RABGAP1: variants seen among roughly 807,000 people sequenced by gnomAD.
RABGAP1 encodes the protein RAB GTPase activating protein 1, also known as rab GTPase-activating protein 1.
RABGAP1 carries 23 observed loss-of-function variants against 137.6 expected under a neutral mutation model. That is an observed-to-expected ratio of 0.17 (90% CI 0.12 to 0.24). RABGAP1 has a LOEUF of 0.24. Ranked by LOEUF, RABGAP1 falls within the 10% of genes least tolerant of loss-of-function variation. The pLI, the probability that RABGAP1 is intolerant of heterozygous loss-of-function variation, is 1.00. For missense variants in RABGAP1, 906 were observed against 1,275.8 expected (o/e 0.71, Z 4.42); for synonymous variants, 451 against 450.7 (o/e 1.00, Z -0.01).
intron 10 of RABGAP1, among the ~76,000 whole-genome samples, chr9:123,002,870 A>G (rs1837401471): frequency 6.6e-6 from 1 of 152,172 alleles, no homozygotes; most frequent in Non-Finnish European, 1.5e-5. Context: ...GCTACAAACT[A>G]AACTTAAGCC....
At chr9:123,101,971 T>C (rs775029597) in intron 25 of RABGAP1, among the ~76,000 whole-genome samples, 1 of 152,200 alleles carries the variant, frequency 6.6e-6, no homozygotes, top group Non-Finnish European at 1.5e-5. Context: ...CGCTGTCATA[T>C]TGAGAATAAT....
chr9:123,038,304 T>G (rs2132010767), intron 13 of RABGAP1, among the ~76,000 whole-genome samples: 1 of 152,298 alleles, frequency 6.6e-6, no homozygotes, highest in Non-Finnish European at 1.5e-5. Flanking sequence ...TTCAAGCCTT[T>G]TATAATGGCT....
At chr9:123,099,621 G>A in intron 24 of RABGAP1, 72 bp downstream of exon 24, 4 of 1,331,656 alleles carry the variant, frequency 3.0e-6, no homozygotes, top group South Asian at 1.2e-5. Context: ...CAGGTTTTGG[G>A]AGGAGGCAGT....
At position 123,000,758 on chromosome 9, in the gene RABGAP1, C is replaced by CT. The variant is rs543242272; in HGVS notation, c.1374+1994dup. Among the ~76,000 whole-genome samples, 120 of 152,058 alleles carry CT rather than the reference C, an allele frequency of 7.9e-4. 3 individuals carry two copies. In the East Asian group the frequency reaches 0.019, roughly 25 times the overall value. Reference sequence around the variant, plus strand: ...TGACCTCCTGGGCTCCAGAAGTCTGCTTACCTCAGCCTCCCAAAGTGCTGG... The same window carrying CT: ...TGACCTCCTGGGCTCCAGAAGTCTGCTTTACCTCAGCCTCCCAAAGTGCTGG... On this transcript the variant is annotated intron_variant, in intron 10 of 25. Transcript: ENST00000373647.
chr9:123,083,122 G>A (rs1303835781), intron 19 of RABGAP1, among the ~76,000 whole-genome samples: 1 of 152,224 alleles, frequency 6.6e-6, no homozygotes, highest in Non-Finnish European at 1.5e-5. Context: ...AGGATATAAA[G>A]TTAGTAACTA....
rs12000030 is a variant in RABGAP1 at position 123,097,943 on chromosome 9, C to G, written c.2733+98C>G. On this transcript the variant is annotated intron_variant, in intron 22 of 25. Coordinates refer to ENST00000373647, the MANE Select transcript of RABGAP1 (RefSeq NM_012197.4). ...TTGGCACTAGAAAACCTAGAGACAT[C>G]TGGCTTCAGTTTCTTTCCAAAGACT... The G allele has an allele frequency of 2.4e-3, 2,339 of 975,918 alleles. 35 individuals carry two copies. The African/African-American group carries it at 0.034, about 14-fold the overall frequency. 60.5% of individuals were successfully genotyped at this position (975,918 alleles called of 1,614,324 possible). A position where few individuals can be genotyped will look rare whatever the true frequency, so the allele number is the denominator to read the frequency against.
chr9:122,989,661 T>C (rs1173057784), intron 5 of RABGAP1, 190 bp downstream of exon 5: 2 of 640,570 alleles, frequency 3.1e-6, no homozygotes, highest in Non-Finnish European at 5.3e-6. Flanking sequence ...ACTTTGTTAC[T>C]ACTACTAAGA....
chr9:122,985,688 C>T (rs1008631341), intron 3 of RABGAP1, among the ~76,000 whole-genome samples: 2 of 150,756 alleles, frequency 1.3e-5, no homozygotes, highest in South Asian at 4.2e-4. Context: ...GTATATTCGA[C>T]CTAAATGTAA....
At chr9:123,076,868 A>G (rs2034526850) in intron 19 of RABGAP1, 106 bp downstream of exon 19, 1 of 674,964 alleles carries the variant, frequency 1.5e-6, no homozygotes, top group Admixed American at 4.9e-5. Flanking sequence ...TATAACATTT[A>G]TAATACATAT....
rs3739834 is a variant in RABGAP1, at chr9:123,103,025, T to C, written c.3088-66T>C. 22 of 1,560,294 alleles carry C rather than the reference T, an allele frequency of 1.4e-5. No homozygotes were observed. The East Asian group carries it at 4.5e-4, about 32-fold the overall frequency. On this transcript the variant is annotated intron_variant, in intron 25 of 25. Transcript: ENST00000373647. Reference sequence around the variant, plus strand: ...ATAGACTGCATTCTTGTCTTGGTTCTCCTCTGGGGAGCCAGTGTCATTGAC... The same window carrying C: ...ATAGACTGCATTCTTGTCTTGGTTCCCCTCTGGGGAGCCAGTGTCATTGAC...
At chr9:123,016,192 T>A (rs563099979) in intron 12 of RABGAP1, among the ~76,000 whole-genome samples, 1 of 152,324 alleles carries the variant, frequency 6.6e-6, no homozygotes, top group Non-Finnish European at 1.5e-5. Context: ...AGCACTATCC[T>A]ATAGGCTATC....
intron 21 of RABGAP1, among the ~76,000 whole-genome samples, chr9:123,094,389 ATGAATGGGTGT>A: frequency 6.6e-6 from 1 of 152,302 alleles, no homozygotes; most frequent in Admixed American, 6.5e-5. Flanking sequence ...AGTTTTTGTC[ATGAATGGGTGT>A]TGAATTTTGT....
At position 123,072,796 on chromosome 9, in the gene RABGAP1, C is replaced by G. The variant is rs188291379; in HGVS notation, c.1984-756C>G. Among the ~76,000 whole-genome samples, 418 of 152,352 alleles carry G rather than the reference C, an allele frequency of 2.7e-3. 2 individuals are homozygous for G. Among genetic ancestry groups the G allele is most frequent in the Non-Finnish European group, 4.0e-3 (269 of 68,036 alleles). ...ATTTCTGTGCTCAGCCCGCCTCCATCATCTTGTTCCATAGAAGCCTGCCCA... is the reference window on the plus strand; with the variant it reads ...ATTTCTGTGCTCAGCCCGCCTCCATGATCTTGTTCCATAGAAGCCTGCCCA... On this transcript the variant is annotated intron_variant, in intron 15 of 25. Transcript: ENST00000373647.
chr9:123,077,687 T>TTGTAC (rs1384955408), intron 19 of RABGAP1, among the ~76,000 whole-genome samples: 3 of 143,408 alleles, frequency 2.1e-5, no homozygotes, highest in East Asian at 4.1e-4. Context: ...TTGTATTGTA[T>TTGTAC]TGTATTTATT....
At chr9:122,981,727 T>C (rs556212344) in intron 2 of RABGAP1, among the ~76,000 whole-genome samples, 1 of 152,262 alleles carries the variant, frequency 6.6e-6, no homozygotes, top group Non-Finnish European at 1.5e-5. Context: ...TAGTTGACTG[T>C]CTTAAAAATA....
intron 5 of RABGAP1, 108 bp downstream of exon 5, chr9:122,989,579 C>T: frequency 8.1e-7 from 1 of 1,230,490 alleles, no homozygotes; most frequent in Non-Finnish European, 1.1e-6. Flanking sequence ...AGATGAAATT[C>T]TCTGCTATTG....
chr9:122,934,170 C>T, the RABGAP1 span, among the ~76,000 whole-genome samples: 15 of 150,186 alleles, frequency 1.0e-4, no homozygotes, highest in African/African-American at 3.4e-4. Flanking sequence ...CTCCGCCTCC[C>T]GGGTTCACGC....
chr9:123,040,490 C>T (rs1010789895), intron 13 of RABGAP1, among the ~76,000 whole-genome samples: 22 of 152,064 alleles, frequency 1.4e-4, no homozygotes, highest in African/African-American at 5.3e-4. Context: ...GCTAACCTAC[C>T]TTCTCATTGA....
chr9:122,975,533 T>C (rs1282606048), intron 2 of RABGAP1, among the ~76,000 whole-genome samples: 1 of 152,236 alleles, frequency 6.6e-6, no homozygotes, highest in African/African-American at 2.4e-5. Context: ...AGTATGCTGC[T>C]TTTGTACATG....
Sources: allele counts gnomAD v4.1 joint callset (sites outside exome capture counted in the v4.1 genomes callset), GRCh38; gene constraint gnomAD v4.1.1; transcripts MANE v1.5; gene names NCBI Gene and HGNC (gene_info 2026-07-23, HGNC 2026-07-21).